The following RPTOR variants were observed in gnomAD, a reference collection of about 807,000 sequenced individuals.
RPTOR encodes the protein regulatory associated protein of MTOR complex 1, also known as regulatory-associated protein of mTOR.
A neutral mutation model predicts 169.9 loss-of-function variants in RPTOR; 21 were observed. That is an observed-to-expected ratio of 0.12 (90% CI 0.09 to 0.18). The LOEUF (loss-of-function observed/expected upper bound fraction) is 0.18, where lower values mean the gene tolerates loss of function less well. Among genes scored for constraint, RPTOR ranks in the 10% least tolerant of loss-of-function variants. RPTOR has a pLI of 1.00. For synonymous variants in RPTOR, 732 were observed against 753.2 expected, an observed-to-expected ratio of 0.97 and a Z score of 0.46; for missense variants, 1,133 against 1,855.9, an observed-to-expected ratio of 0.61 and a Z score of 7.16.
chr17:80,819,675 C>T (rs951347490), intron 7 of RPTOR, among the ~76,000 whole-genome samples: 2 of 152,200 alleles, frequency 1.3e-5, no homozygotes, highest in Admixed American at 6.5e-5. Flanking sequence ...TGCCAGCGCA[C>T]GCTCGTACAG....
intron 3 of RPTOR, among the ~76,000 whole-genome samples, chr17:80,655,072 T>G (rs1432690881): frequency 2.6e-5 from 4 of 152,262 alleles, no homozygotes; most frequent in Non-Finnish European, 5.9e-5. Context: ...TAGGAAGATC[T>G]CTAAAACATA....
chr17:80,760,361 G>C (rs1021980060), intron 6 of RPTOR, among the ~76,000 whole-genome samples: 1 of 143,432 alleles, frequency 7.0e-6, no homozygotes, highest in African/African-American at 2.6e-5. Context: ...GAGTGCAGTG[G>C]CGTGATCTCG....
At chr17:80,775,065 C>T (rs963261468) in intron 6 of RPTOR, among the ~76,000 whole-genome samples, 1 of 152,202 alleles carries the variant, frequency 6.6e-6, no homozygotes, top group Non-Finnish European at 1.5e-5. Flanking sequence ...AAGTCTGGCC[C>T]CTCAGCCGCC....
intron 6 of RPTOR, among the ~76,000 whole-genome samples, chr17:80,774,765 G>T (rs1003049867): frequency 6.6e-6 from 1 of 152,246 alleles, no homozygotes; most frequent in African/African-American, 2.4e-5. Flanking sequence ...ACATCCCGCA[G>T]TGTTTCCTGA....
At chr17:80,731,122 G>GT (rs2066389118) in intron 5 of RPTOR, among the ~76,000 whole-genome samples, 1 of 152,108 alleles carries the variant, frequency 6.6e-6, no homozygotes, top group Non-Finnish European at 1.5e-5. Context: ...CAAGCAACGC[G>GT]TGTGCCTCAG....
At chr17:80,743,839 C>T (rs866774677) in intron 5 of RPTOR, among the ~76,000 whole-genome samples, 3,037 of 80,346 alleles carry the variant, frequency 0.038, 176 homozygotes, top group African/African-American at 0.07. Context: ...ACTAGCACAG[C>T]CCTGGTTACT....
At chr17:80,872,707 T>C (rs1373574804) in intron 13 of RPTOR, among the ~76,000 whole-genome samples, 1 of 152,170 alleles carries the variant, frequency 6.6e-6, no homozygotes, top group East Asian at 1.9e-4. Context: ...AGTTCCAGGC[T>C]CTTTTCGCCT....
intron 6 of RPTOR, among the ~76,000 whole-genome samples, chr17:80,765,770 T>A (rs545457501): frequency 6.6e-6 from 1 of 152,280 alleles, no homozygotes; most frequent in African/African-American, 2.4e-5. Flanking sequence ...GAAGTTGAGA[T>A]CACTATCATC....
At position 80,596,745 on chromosome 17, in the gene RPTOR, T is replaced by C. The variant is rs548487434; in HGVS notation, c.163-28946T>C. Among the ~76,000 whole-genome samples, 38 of 152,318 alleles carry C rather than the reference T, an allele frequency of 2.5e-4. No homozygotes were observed. The South Asian group carries it at 3.1e-3, about 12-fold the overall frequency. The stretch of plus-strand genomic sequence containing the variant: ...AGGCCTTGATAAAATAACACCTTTT[T>C]CTCTTATTTCAATGGATCCAAAGAG... On this transcript the variant is annotated intron_variant, in intron 1 of 33. Coordinates refer to ENST00000306801, the MANE Select transcript of RPTOR (RefSeq NM_020761.3).
chr17:80,870,967 A>G (rs1043930813), intron 13 of RPTOR, among the ~76,000 whole-genome samples: 2 of 152,172 alleles, frequency 1.3e-5, no homozygotes, highest in Non-Finnish European at 2.9e-5. Context: ...AGGATCCCAC[A>G]TGACATTGAG....
In RPTOR at chr17:80,665,423, C is replaced by A. The variant is rs1172697634; in HGVS notation, c.348+21613C>A. On this transcript the variant is annotated intron_variant, in intron 3 of 33. Coordinates refer to ENST00000306801, the MANE Select transcript of RPTOR (RefSeq NM_020761.3). ...CTTTCCTTTCCTTTCCTTTCCTTTC[C>A]TTTCCTTTCCTTTCCTTTCCTTTCC... Among the ~76,000 whole-genome samples the A allele has an allele frequency of 4.4e-3, 54 of 12,242 alleles. 4 individuals carry two copies. Among genetic ancestry groups the A allele is most frequent in the Non-Finnish European group, 5.5e-3 (41 of 7,478 alleles). The allele number at this position is 12,242 out of a possible 152,430, so 8.0% of individuals were successfully genotyped here. A position where few individuals can be genotyped will look rare whatever the true frequency, so the allele number is the denominator to read the frequency against.
chr17:80,948,118 G>A (rs930738679), intron 27 of RPTOR, among the ~76,000 whole-genome samples: 4 of 152,254 alleles, frequency 2.6e-5, no homozygotes, highest in African/African-American at 9.6e-5. Context: ...GAGGCAGGCG[G>A]GGGAGGCCAG....
intron 22 of RPTOR, 121 bp downstream of exon 22, chr17:80,922,948 TC>T (rs1297253875): frequency 1.2e-5 from 9 of 782,038 alleles, no homozygotes; most frequent in Middle Eastern, 3.5e-4. Context: ...CTTCGTCTCC[TC>T]CCCCCTCTCC....
intron 6 of RPTOR, among the ~76,000 whole-genome samples, chr17:80,775,182 T>G (rs978783978): frequency 6.6e-6 from 1 of 152,252 alleles, no homozygotes; most frequent in African/African-American, 2.4e-5. Context: ...TGCAGGGCTT[T>G]TACTCCCACT....
intron 9 of RPTOR, among the ~76,000 whole-genome samples, chr17:80,830,636 C>T (rs1002353653): frequency 6.6e-6 from 1 of 152,158 alleles, no homozygotes; most frequent in Non-Finnish European, 1.5e-5. Context: ...GAGGTGAGAC[C>T]GCAGGTGCGC....
chr17:80,800,677 A>G (rs1233425960), intron 7 of RPTOR, among the ~76,000 whole-genome samples: 2 of 152,198 alleles, frequency 1.3e-5, no homozygotes, highest in South Asian at 2.1e-4. Context: ...GAGAGTGGCA[A>G]TAAGATCCGT....
intron 24 of RPTOR, among the ~76,000 whole-genome samples, chr17:80,930,434 TCCCCAGCTCATCCTCAG>T (rs2068879803): frequency 1.6e-4 from 1 of 6,082 alleles, no homozygotes; most frequent in Non-Finnish European, 3.2e-4. Context: ...CTCATCCTCA[TCCCCAGCTCATCCTCAG>T]CTCATCCCCA....
At chr17:80,725,152 G>A (rs919154219) in intron 4 of RPTOR, among the ~76,000 whole-genome samples, 1 of 152,216 alleles carries the variant, frequency 6.6e-6, no homozygotes, top group African/African-American at 2.4e-5. Context: ...GGAGGCTGGC[G>A]GGCTGCTGGG....
At chr17:80,807,849 T>C (rs2067235077) in intron 7 of RPTOR, among the ~76,000 whole-genome samples, 1 of 152,226 alleles carries the variant, frequency 6.6e-6, no homozygotes, top group Non-Finnish European at 1.5e-5. Context: ...GTAAGGTCTC[T>C]GTCTCATAGT....
Sources: allele counts gnomAD v4.1 joint callset (sites outside exome capture counted in the v4.1 genomes callset), GRCh38; gene constraint gnomAD v4.1.1; transcripts MANE v1.5; gene names NCBI Gene and HGNC (gene_info 2026-07-23, HGNC 2026-07-21).